The following TRIM11 variants were observed in gnomAD, a reference collection of about 807,000 sequenced individuals.
TRIM11 encodes the protein tripartite motif containing 11, also known as E3 ubiquitin-protein ligase TRIM11.
A neutral mutation model predicts 33.4 loss-of-function variants in TRIM11; 15 were observed. The ratio of observed to expected loss-of-function variants is 0.45; its 90% CI spans 0.30 to 0.69. TRIM11 has a LOEUF of 0.69. Among genes scored for constraint, TRIM11 ranks in the 30% least tolerant of loss-of-function variants. The pLI is 0.08. For synonymous variants in TRIM11, 281 were observed against 302.6 expected (o/e 0.93, Z 0.74); for missense variants, 499 against 667.6 (o/e 0.75, Z 2.78).
intron 3 of TRIM11, among the ~76,000 whole-genome samples, chr1:228,399,400 G>A (rs765926534): frequency 2.0e-5 from 3 of 152,170 alleles, no homozygotes; most frequent in Non-Finnish European, 2.9e-5. Flanking sequence ...AGGCATGGAC[G>A]GGTGGGCCAC....
rs1417056719 is a variant in TRIM11, at chr1:228,397,164, T to C, written c.737A>G (p.Asp246Gly). Residue 246 changes from aspartate to glycine, a missense_variant and splice_region_variant, in exon 4 of 6, where the codon GAC becomes GGC. Asp to Gly is a moderately conservative substitution (Grantham distance 94, BLOSUM62 -1). Coordinates refer to ENST00000284551, the MANE Select transcript of TRIM11 (RefSeq NM_145214.3). ...GTACCTGCGCAGGGCGTCCTTGATG[T>C]CCTATGTGGGGAGGAGAAACAGCAC... is the stretch of plus-strand genomic sequence containing the variant. ...CQLPALGLLQ[D>G]IKDALRRVQD... The C allele has an allele frequency of 6.2e-7, 1 of 1,612,364 alleles. No individual in the cohort carries two copies. Among genetic ancestry groups the C allele is most frequent in the African/African-American group, 1.3e-5 (1 of 74,818 alleles).
At position 228,400,950 on chromosome 1, in the gene TRIM11, C is replaced by T. The variant is rs753620412; in HGVS notation, c.735+14G>A. On this transcript the variant is annotated intron_variant, in intron 3 of 5. Transcript: ENST00000284551. The surrounding 1 kb of genome is among the most constrained non-coding windows in gnomAD (Gnocchi z 4.5). ...GCCCGTGTGGCCACCATGGCTGCTC[C>T]CCGCCCAGCTCACCTGCAGCAGCCC... The T allele has an allele frequency of 6.5e-7, 1 of 1,544,176 alleles. No individual in the cohort carries two copies. The highest frequency in any genetic ancestry group is 1.4e-5 in the African/African-American group (1 of 73,618).
At position 228,395,383 on chromosome 1, in the gene TRIM11, C is replaced by T; in HGVS notation, c.860-131G>A. 1.1e-6 allele frequency: 1 copy of T among 946,896 alleles called. No individual in the cohort carries two copies. The highest frequency in any genetic ancestry group is 3.5e-5 in the South Asian group (1 of 28,506). The allele number at this position is 946,896 out of a possible 1,614,324, so 58.7% of individuals were successfully genotyped here. ...GCTCTCTGCCCTGGGCCTGTAGCCT[C>T]ACAACCTCCTGGAGTAACTAACTGT... On this transcript the variant is annotated intron_variant, in intron 5 of 5. Coordinates refer to ENST00000284551, the MANE Select transcript of TRIM11 (RefSeq NM_145214.3). The surrounding 1 kb of genome is among the most constrained non-coding windows in gnomAD (Gnocchi z 4.8).
rs200056437 is a variant in TRIM11, at chr1:228,395,155, C to T, written c.957G>A (p.Pro319=). 1.4e-5 allele frequency: 22 copies of T among 1,519,596 alleles called. No homozygotes were observed. Among genetic ancestry groups the T allele is most frequent in the Non-Finnish European group, 1.7e-5 (19 of 1,140,590 alleles). 94.1% of individuals were successfully genotyped at this position (1,519,596 alleles called of 1,614,324 possible). The change falls in exon 6 of 6, where the codon CCG becomes CCA. Residue 319 remains proline (P), a synonymous_variant. Transcript: ENST00000284551. The surrounding 1 kb of genome is among the most constrained non-coding windows in gnomAD (Gnocchi z 4.8). ...CGGGGTCAAAGCGCTCTGGGCTGTC[C>T]GGCAGGGCCTGCCGTAGGTCCCCCC... is the stretch of plus-strand genomic sequence containing the variant. ...VQRGDLRQAL[P]DSPERFDPGP...
At chr1:228,397,119 C>T (rs932219373) in intron 4 of TRIM11, 24 bp downstream of exon 4, 2 of 1,613,900 alleles carry the variant, frequency 1.2e-6, no homozygotes, top group Non-Finnish European at 1.7e-6. Context: ...CCTGCCCCCC[C>T]TCCAGGAGAG....
chr1:228,394,397 G>A lies in TRIM11; in HGVS notation c.*308C>T. ...TGCAAGCCCCAGTGGAGTTTTCTCA[G>A]CTTCTGGAACCACAGGCCAGAGCTG... On this transcript the variant is annotated 3_prime_UTR_variant, in exon 6 of 6. Coordinates refer to ENST00000284551, the MANE Select transcript of TRIM11 (RefSeq NM_145214.3). This position sits in a 1 kb window ranked among gnomAD's most constrained non-coding sequence, Gnocchi z 6.2. 2.5e-6 allele frequency: 1 copy of A among 399,402 alleles called. No individual in the cohort carries two copies. Among genetic ancestry groups the A allele is most frequent in the East Asian group, 4.0e-5 (1 of 24,902 alleles). 24.7% of individuals were successfully genotyped at this position (399,402 alleles called of 1,614,324 possible).
chr1:228,395,271 G>A lies in TRIM11; in HGVS notation c.860-19C>T. Reference sequence around the variant, plus strand: ...ACGTCCCCTGCAGAGAGAGGCCCAAGGTCACCCAGGCACAGCCACAGGCAA... The same window carrying A: ...ACGTCCCCTGCAGAGAGAGGCCCAAAGTCACCCAGGCACAGCCACAGGCAA... On this transcript the variant is annotated intron_variant, in intron 5 of 5. Coordinates refer to ENST00000284551, the MANE Select transcript of TRIM11 (RefSeq NM_145214.3). This position sits in a 1 kb window ranked among gnomAD's most constrained non-coding sequence, Gnocchi z 4.8. The A allele has an allele frequency of 7.0e-7, 1 of 1,433,306 alleles. No homozygotes were observed. Among genetic ancestry groups the A allele is most frequent in the Non-Finnish European group, 9.1e-7 (1 of 1,097,502 alleles). The allele number at this position is 1,433,306 out of a possible 1,614,324, so 88.8% of individuals were successfully genotyped here.
At position 228,406,066 on chromosome 1, in the gene TRIM11, G is replaced by A; in HGVS notation, c.408+88C>T. On this transcript the variant is annotated intron_variant, in intron 1 of 5. Transcript: ENST00000284551. This position sits in a 1 kb window ranked among gnomAD's most constrained non-coding sequence, Gnocchi z 8.2. ...CCTAGACAGAGACAGATTACTCCCG[G>A]AGCAGTCCCCCAAACCTCCCACCCG... 1 of 1,291,842 alleles carries A rather than the reference G, an allele frequency of 7.7e-7. No homozygotes were observed. The highest frequency in any genetic ancestry group is 9.9e-7 in the Non-Finnish European group (1 of 1,010,952). 80.0% of individuals were successfully genotyped at this position (1,291,842 alleles called of 1,614,324 possible).
chr1:228,396,947 C>T lies in TRIM11; in HGVS notation c.859G>A (p.Gly287Arg), dbSNP rs2074991455. The change falls in exon 5 of 6, where the codon GGG becomes AGG. Residue 287 changes from glycine (G) to arginine (R), a missense_variant and splice_region_variant. Coordinates refer to ENST00000284551, the MANE Select transcript of TRIM11 (RefSeq NM_145214.3). ...CCCCACCTGGGGCCTCCACACCTAC[C>T]TCGAAACCTCCGCAGTGTCTCTACC... ...GLVETLRRFR[G>R]DVTLDPDTAN... is the part of the protein sequence containing the mutation. The T allele has an allele frequency of 6.2e-7, 1 of 1,614,038 alleles. No homozygotes were observed. The highest frequency in any genetic ancestry group is 1.7e-5 in the Admixed American group (1 of 60,006).
chr1:228,400,949 C>CA lies in TRIM11; in HGVS notation c.735+14_735+15insT. The CA allele has an allele frequency of 6.5e-7, 1 of 1,542,600 alleles. No homozygotes were observed. The highest frequency in any genetic ancestry group is 8.7e-7 in the Non-Finnish European group (1 of 1,145,560). On this transcript the variant is annotated intron_variant, in intron 3 of 5. Coordinates refer to ENST00000284551, the MANE Select transcript of TRIM11 (RefSeq NM_145214.3). The surrounding 1 kb of genome is among the most constrained non-coding windows in gnomAD (Gnocchi z 4.5). The stretch of plus-strand genomic sequence containing the variant: ...TGCCCGTGTGGCCACCATGGCTGCT[C>CA]CCCGCCCAGCTCACCTGCAGCAGCC...
At chr1:228,399,219 C>T (rs1366785209) in intron 3 of TRIM11, among the ~76,000 whole-genome samples, 1 of 152,262 alleles carries the variant, frequency 6.6e-6, no homozygotes, top group Non-Finnish European at 1.5e-5. Flanking sequence ...CTGTCCCTCT[C>T]AAACCAGCAC....
At position 228,395,561 on chromosome 1, in the gene TRIM11, C is replaced by T. The variant is rs2149089829; in HGVS notation, c.860-309G>A. The T allele has an allele frequency of 3.9e-6, 1 of 253,888 alleles. No homozygotes were observed. Among genetic ancestry groups the T allele is most frequent in the Non-Finnish European group, 7.4e-6 (1 of 135,090 alleles). The allele number at this position is 253,888 out of a possible 1,614,324, so 15.7% of individuals were successfully genotyped here. A position where few individuals can be genotyped will look rare whatever the true frequency, so the allele number is the denominator to read the frequency against. ...AGAGGCAGGGTCTTGCTCTGTGGCC[C>T]CAGGCTGCAGTGCAGTGGTGCGATC... On this transcript the variant is annotated intron_variant, in intron 5 of 5. Coordinates refer to ENST00000284551, the MANE Select transcript of TRIM11 (RefSeq NM_145214.3). This position sits in a 1 kb window ranked among gnomAD's most constrained non-coding sequence, Gnocchi z 4.8.
chr1:228,396,514 T>C lies in TRIM11; in HGVS notation c.859+433A>G, dbSNP rs1232683977. On this transcript the variant is annotated intron_variant, in intron 5 of 5. Transcript: ENST00000284551. ...AATAAACCAATGACAGTAAGTAAAG[T>C]GCTCTTCTGAGTTCCATGGGCTGTG... 1.3e-5 allele frequency: 8 copies of C among 602,166 alleles called. No individual in the cohort carries two copies. In the Admixed American group the frequency reaches 2.3e-4, roughly 17 times the overall value. The allele number at this position is 602,166 out of a possible 1,614,324, so 37.3% of individuals were successfully genotyped here. A position where few individuals can be genotyped will look rare whatever the true frequency, so the allele number is the denominator to read the frequency against.
At position 228,401,090 on chromosome 1, in the gene TRIM11, C is replaced by T; in HGVS notation, c.609G>A (p.Glu203=). The T allele has an allele frequency of 6.2e-7, 1 of 1,613,454 alleles. No individual in the cohort carries two copies. Among genetic ancestry groups the T allele is most frequent in the South Asian group, 1.1e-5 (1 of 91,086 alleles). The change falls in exon 3 of 6, where the codon GAG becomes GAA. Residue 203 remains glutamate (E), a synonymous_variant. Coordinates refer to ENST00000284551, the MANE Select transcript of TRIM11 (RefSeq NM_145214.3). This position sits in a 1 kb window ranked among gnomAD's most constrained non-coding sequence, Gnocchi z 6.1. ...GCAGCCGGGGCAGCACCTCCAGCTC[C>T]TCCTCCTCCAGCCTCTGCAGCAGCT... ...EQQLLQRLEE[E]ELEVLPRLRE... is the part of the protein sequence containing the mutation.
rs150827875 is a variant in TRIM11 at position 228,402,112 on chromosome 1, G to A, written c.458C>T (p.Ala153Val). The A allele has an allele frequency of 2.4e-5, 39 of 1,613,014 alleles. No individual in the cohort carries two copies. In the Middle Eastern group the frequency reaches 9.9e-4, roughly 41 times the overall value. The part of the protein sequence containing the change: ...LEHLRKQMQD[A>V]LLFQAQADET... ...ATCCGCCTGGGCTTGGAACAGCAAC[G>A]CATCCTGCATCTGCTTCCGGAGATG... The change falls in exon 2 of 6, where the codon GCG (alanine) becomes GTG (valine). Residue 153 changes from alanine to valine, a missense_variant. Ala to Val is a moderately conservative substitution (Grantham distance 64). Coordinates refer to ENST00000284551, the MANE Select transcript of TRIM11 (RefSeq NM_145214.3).
chr1:228,406,616 C>A lies in TRIM11; in HGVS notation c.-55G>T. On this transcript the variant is annotated 5_prime_UTR_variant, in exon 1 of 6. It adds an upstream start codon to the 5' untranslated region. Coordinates refer to ENST00000284551, the MANE Select transcript of TRIM11 (RefSeq NM_145214.3). The surrounding 1 kb of genome is among the most constrained non-coding windows in gnomAD (Gnocchi z 8.2). ...TGTCCGCGGGGCGGCGGCGGGCGGC[C>A]TCGGCAGCTCGCGGGGACGCGGGGT... 2.2e-6 allele frequency: 3 copies of A among 1,371,904 alleles called. No homozygotes were observed. Among genetic ancestry groups the A allele is most frequent in the Non-Finnish European group, 9.4e-7 (1 of 1,064,046 alleles). 85.0% of individuals were successfully genotyped at this position (1,371,904 alleles called of 1,614,324 possible).
intron 3 of TRIM11, 194 bp from the exon 4 acceptor site, chr1:228,397,359 C>T (rs973482374): frequency 1.5e-6 from 1 of 651,836 alleles, no homozygotes; most frequent in Non-Finnish European, 2.7e-6. Flanking sequence ...GAGGCTCTGA[C>T]ATGTGTGCCA....
Position 228,395,300 on chromosome 1 carries a change from G to C in TRIM11, c.860-48C>G, listed in dbSNP as rs758788156. ...ACCCAGGCACAGCCACAGGCAAGCT[G>C]GGGCCATCTGCCCATGTCCTGGGCA... On this transcript the variant is annotated intron_variant, in intron 5 of 5. Coordinates refer to ENST00000284551, the MANE Select transcript of TRIM11 (RefSeq NM_145214.3). The surrounding 1 kb of genome is among the most constrained non-coding windows in gnomAD (Gnocchi z 4.8). The C allele has an allele frequency of 3.9e-5, 55 of 1,412,632 alleles. No homozygotes were observed. The Admixed American group carries it at 4.6e-4, about 12-fold the overall frequency. The allele number at this position is 1,412,632 out of a possible 1,614,324, so 87.5% of individuals were successfully genotyped here. A position where few individuals can be genotyped will look rare whatever the true frequency, so the allele number is the denominator to read the frequency against.
At chr1:228,399,756 C>T (rs112541111) in intron 3 of TRIM11, among the ~76,000 whole-genome samples, 3 of 151,870 alleles carry the variant, frequency 2.0e-5, no homozygotes, top group Non-Finnish European at 4.4e-5. Flanking sequence ...CTGGTGCACG[C>T]GGCACACGGA....
Sources: allele counts gnomAD v4.1 joint callset (sites outside exome capture counted in the v4.1 genomes callset), GRCh38; gene constraint gnomAD v4.1.1; non-coding constraint Gnocchi (gnomAD v3.1); transcripts MANE v1.5; gene names NCBI Gene and HGNC (gene_info 2026-07-23, HGNC 2026-07-21).